The following ZFYVE16 variants were observed in gnomAD, a reference collection of about 807,000 sequenced individuals.
The protein encoded by ZFYVE16 is zinc finger FYVE domain-containing protein 16.
A neutral mutation model predicts 138.1 loss-of-function variants in ZFYVE16; 89 were observed. That is an observed-to-expected ratio of 0.64 (90% CI 0.54 to 0.77). ZFYVE16 has a LOEUF of 0.77. ZFYVE16 is among the 30% of genes least tolerant of loss of function. The pLI is 0.00. For synonymous variants in ZFYVE16, 596 were observed against 618.3 expected (o/e 0.96, Z 0.53); for missense variants, 1,793 against 1,786.7 (o/e 1.00, Z -0.06).
At position 80,449,581 on chromosome 5, in the gene ZFYVE16, C is replaced by T; in HGVS notation, c.3104-10C>T. On this transcript the variant is annotated splice_polypyrimidine_tract_variant and intron_variant, in intron 8 of 18. Transcript: ENST00000505560. ...TTTATCCTGATTAATATATTACTTT[C>T]ATCATTTAGTGCCTGTAGTAGAAGA... 6.3e-7 allele frequency: 1 copy of T among 1,599,652 alleles called. No individual in the cohort carries two copies. Among genetic ancestry groups the T allele is most frequent in the Non-Finnish European group, 8.5e-7 (1 of 1,175,398 alleles).
At chr5:80,447,949 G>C in intron 7 of ZFYVE16, 77 bp from the exon 8 acceptor site, 1 of 1,261,632 alleles carries the variant, frequency 7.9e-7, no homozygotes, top group Non-Finnish European at 1.1e-6. Context: ...AGATATGTTT[G>C]GCTATAGTGA....
At chr5:80,468,420 T>G (rs930251170) in intron 15 of ZFYVE16, among the ~76,000 whole-genome samples, 2 of 152,194 alleles carry the variant, frequency 1.3e-5, no homozygotes, top group Admixed American at 6.5e-5. Context: ...GTATAGCCAA[T>G]TGCTCCTAGT....
Position 80,451,636 on chromosome 5 carries a change from C to A in ZFYVE16, c.3534C>A (p.Ile1178=). Residue 1178 remains isoleucine, a synonymous_variant, in exon 11 of 19, where the codon ATC becomes ATA. Transcript: ENST00000505560. ...PSNPFLCGIL[I]QKLEIPWAKV... ...ATCCTTTTCTTTGTGGAATTCTTAT[C>A]CAGAAGCTTGAGATTCCCTGGGCAA... 2 of 1,613,774 alleles carry A rather than the reference C, an allele frequency of 1.2e-6. No homozygotes were observed. The highest frequency in any genetic ancestry group is 1.7e-6 in the Non-Finnish European group (2 of 1,179,904).
Position 80,449,605 on chromosome 5 carries a change from G to C in ZFYVE16, c.3118G>C (p.Glu1040Gln), listed in dbSNP as rs1244296460. 1 of 1,608,436 alleles carries C rather than the reference G, an allele frequency of 6.2e-7. No individual in the cohort carries two copies. Among genetic ancestry groups the C allele is most frequent in the South Asian group, 1.1e-5 (1 of 90,008 alleles). Residue 1040 changes from glutamate (E) to glutamine (Q), a missense_variant, in exon 9 of 19, where the codon GAA becomes CAA. Physicochemically the swap from Glu to Gln is conservative, Grantham distance 29. Coordinates refer to ENST00000505560, the MANE Select transcript of ZFYVE16 (RefSeq NM_001284236.3). ...TCATCATTTAGTGCCTGTAGTAGAAGAACATCCATCTCATGAGCAGATCAT... is the reference window on the plus strand; with the variant it reads ...TCATCATTTAGTGCCTGTAGTAGAACAACATCCATCTCATGAGCAGATCAT... ...GEKGSVPVVE[E>Q]HPSHEQIILL...
At chr5:80,427,407 A>G (rs1466973094) in intron 1 of ZFYVE16, 85 bp from the exon 2 acceptor site, 1 of 151,894 alleles carries the variant, frequency 6.6e-6, no homozygotes, top group Non-Finnish European at 1.5e-5. Flanking sequence ...GTTTTCATTC[A>G]TTTGATGCTC....
chr5:80,452,561 T>C (rs1039162945), intron 11 of ZFYVE16: 1 of 152,112 alleles, frequency 6.6e-6, no homozygotes, highest in Admixed American at 6.6e-5. Flanking sequence ...GCATATACTA[T>C]TGGGAGTTTG....
At chr5:80,464,817 A>G (rs1753508096) in intron 15 of ZFYVE16, among the ~76,000 whole-genome samples, 1 of 151,870 alleles carries the variant, frequency 6.6e-6, no homozygotes, top group Non-Finnish European at 1.5e-5. Flanking sequence ...TTTAATATGT[A>G]TTTTTTTAGT....
At chr5:80,465,396 C>CTTTTT (rs1187412933) in intron 15 of ZFYVE16, among the ~76,000 whole-genome samples, 31 of 26,362 alleles carry the variant, frequency 1.2e-3, no homozygotes, top group Non-Finnish European at 1.8e-3. Flanking sequence ...TTTTCCTTTT[C>CTTTTT]TTTGTTTTTT....
chr5:80,456,288 C>CTT, intron 12 of ZFYVE16, 173 bp from the exon 13 acceptor site: 1 of 501,238 alleles, frequency 2.0e-6, no homozygotes, highest in Non-Finnish European at 3.5e-6. Flanking sequence ...GTTTGAAGAC[C>CTT]TTTTCTATTT....
chr5:80,477,025 G>A (rs1211485319), intron 18 of ZFYVE16, among the ~76,000 whole-genome samples, 194 bp from the exon 19 acceptor site: 2 of 152,126 alleles, frequency 1.3e-5, no homozygotes, highest in Non-Finnish European at 2.9e-5. Flanking sequence ...TATGATATAT[G>A]AGGAGGAACA....
At position 80,437,308 on chromosome 5, in the gene ZFYVE16, G is replaced by C; in HGVS notation, c.623G>C (p.Gly208Ala). The change falls in exon 4 of 19, where the codon GGT (glycine) becomes GCT (alanine). Residue 208 changes from glycine (G) to alanine (A), a missense_variant. Physicochemically the swap from Gly to Ala is moderately conservative, Grantham distance 60. This residue lies in a region of ZFYVE16 where 1,295 missense variants were observed against 1,204.3 expected (regional missense o/e 1.08). Transcript: ENST00000505560. The part of the protein sequence containing the change: ...NREIGGIKEL[G>A]IKVDTTLSDS... Reference sequence around the variant, plus strand: ...GAAATCGGAGGAATCAAAGAATTGGGTATAAAAGTAGATACAACACTTTCA... The same window carrying C: ...GAAATCGGAGGAATCAAAGAATTGGCTATAAAAGTAGATACAACACTTTCA... The C allele has an allele frequency of 6.2e-7, 1 of 1,606,326 alleles. No homozygotes were observed. The highest frequency in any genetic ancestry group is 8.5e-7 in the Non-Finnish European group (1 of 1,176,674).
chr5:80,443,145 G>T lies in ZFYVE16; in HGVS notation c.2442G>T (p.Met814Ile). ...ISKAQAFERM[M>I]SPTGSNLKSN... ...TAGCTCAGGCATTTGAAAGGATGAT[G>T]AGTCCAACTGGTTCTAATCTTAAGT... The change falls in exon 6 of 19, where the codon ATG becomes ATT. Residue 814 changes from methionine to isoleucine, a missense_variant. Met to Ile is a conservative substitution (Grantham distance 10). Transcript: ENST00000505560. 5 of 1,563,368 alleles carry T rather than the reference G, an allele frequency of 3.2e-6. No individual in the cohort carries two copies. Among genetic ancestry groups the T allele is most frequent in the Non-Finnish European group, 4.3e-6 (5 of 1,165,304 alleles).
chr5:80,432,777 C>T (rs1177101256), intron 2 of ZFYVE16, among the ~76,000 whole-genome samples: 5 of 152,074 alleles, frequency 3.3e-5, no homozygotes, highest in Non-Finnish European at 5.9e-5. Context: ...AACAAGTGGG[C>T]GAAGGATATG....
At chr5:80,467,432 C>T (rs180677513) in intron 15 of ZFYVE16, among the ~76,000 whole-genome samples, 1 of 152,072 alleles carries the variant, frequency 6.6e-6, no homozygotes, top group East Asian at 1.9e-4. Flanking sequence ...AAGGCATGCC[C>T]GAACAAGCAC....
chr5:80,429,840 C>CAAAA (rs1554040461), intron 2 of ZFYVE16, among the ~76,000 whole-genome samples: 2 of 151,608 alleles, frequency 1.3e-5, no homozygotes, highest in Non-Finnish European at 2.9e-5. Flanking sequence ...TCAAAAGAGA[C>CAAAA]AAAGCCATTA....
chr5:80,460,097 T>A (rs2112491961), intron 15 of ZFYVE16, among the ~76,000 whole-genome samples: 1 of 152,288 alleles, frequency 6.6e-6, no homozygotes, highest in East Asian at 1.9e-4. Context: ...TTGTACCGAT[T>A]TACTTTACCA....
At chr5:80,408,612 A>T (rs956732708) in intron 1 of ZFYVE16, among the ~76,000 whole-genome samples, 1 of 152,204 alleles carries the variant, frequency 6.6e-6, no homozygotes, top group African/African-American at 2.4e-5. Context: ...GTGCTCTCGC[A>T]CTGTCCATTC....
At chr5:80,446,303 G>T (rs903958098) in intron 7 of ZFYVE16, among the ~76,000 whole-genome samples, 1 of 151,968 alleles carries the variant, frequency 6.6e-6, no homozygotes, top group East Asian at 1.9e-4. Flanking sequence ...TATAGATTTC[G>T]TGGGTTGTAC....
At chr5:80,464,679 A>G (rs1258023450) in intron 15 of ZFYVE16, among the ~76,000 whole-genome samples, 1 of 151,944 alleles carries the variant, frequency 6.6e-6, no homozygotes, top group African/African-American at 2.4e-5. Context: ...AGTAATTTGA[A>G]TCTTCTTTTT....
Sources: gnomAD v4.1 joint callset for allele counts (sites outside exome capture counted in the v4.1 genomes callset) on GRCh38, gnomAD v4.1.1 for gene constraint, gnomAD v4.1.1 regional missense constraint, MANE v1.5 for transcripts, NCBI Gene and HGNC (gene_info 2026-07-23, HGNC 2026-07-21) for gene names.